The following GMDS variants were observed in gnomAD, a reference collection of about 807,000 sequenced individuals.
GMDS encodes GDP-mannose 4,6-dehydratase, also known as GDP-mannose 4,6 dehydratase.
GMDS carries 20 observed loss-of-function variants against 49.9 expected under a neutral mutation model. The ratio of observed to expected loss-of-function variants is 0.40; its 90% CI spans 0.28 to 0.58. The LOEUF (loss-of-function observed/expected upper bound fraction) is 0.58, where lower values mean the gene tolerates loss of function less well. GMDS is among the 20% of genes least tolerant of loss of function. The probability of loss-of-function intolerance (pLI) is 0.42; values close to 1 mark genes in which losing one functional copy is unlikely to be tolerated. For missense variants in GMDS, 362 were observed against 481.4 expected (o/e 0.75, Z 2.32); for synonymous variants, 177 against 178.6 (o/e 0.99, Z 0.07).
intron 1 of GMDS, among the ~76,000 whole-genome samples, chr6:2,166,777 A>G (rs909511637): frequency 2.6e-5 from 4 of 152,216 alleles, no homozygotes; most frequent in African/African-American, 9.7e-5. Flanking sequence ...CCTGCAAAAA[A>G]TGTGGCCAAT....
At chr6:2,022,391 T>C (rs961434273) in intron 4 of GMDS, among the ~76,000 whole-genome samples, 1 of 152,226 alleles carries the variant, frequency 6.6e-6, no homozygotes, top group Non-Finnish European at 1.5e-5. Flanking sequence ...GACAATTTTG[T>C]GGCACTTTTC....
chr6:1,875,532 T>C (rs1396662154), intron 7 of GMDS, among the ~76,000 whole-genome samples: 11 of 152,178 alleles, frequency 7.2e-5, no homozygotes, highest in African/African-American at 2.7e-4. Flanking sequence ...ATCAGAATTA[T>C]ATTGGTAGAT....
intron 1 of GMDS, among the ~76,000 whole-genome samples, chr6:2,150,254 A>C (rs1776779667): frequency 6.6e-6 from 1 of 152,156 alleles, no homozygotes; most frequent in Admixed American, 6.5e-5. Context: ...GAAATAAATT[A>C]ATGATTTCAC....
intron 1 of GMDS, among the ~76,000 whole-genome samples, chr6:2,194,038 T>TAA (rs1561646850): frequency 2.0e-5 from 3 of 150,792 alleles, no homozygotes; most frequent in African/African-American, 7.4e-5. Context: ...CTATTTTTTT[T>TAA]TAAAAAAAAA....
intron 7 of GMDS, among the ~76,000 whole-genome samples, chr6:1,846,914 G>A: frequency 6.6e-6 from 1 of 152,310 alleles, no homozygotes; most frequent in African/African-American, 2.4e-5. Flanking sequence ...GCAAAACAAT[G>A]ACAAGTATGA....
chr6:1,642,984 CAG>C (rs1352883890), intron 9 of GMDS, among the ~76,000 whole-genome samples: 1 of 152,188 alleles, frequency 6.6e-6, no homozygotes, highest in African/African-American at 2.4e-5. Flanking sequence ...CTGGTCTTAG[CAG>C]AGTTAACACA....
chr6:2,188,196 G>A (rs1778863314), intron 1 of GMDS, among the ~76,000 whole-genome samples: 7 of 152,218 alleles, frequency 4.6e-5, no homozygotes, highest in Admixed American at 4.6e-4. Flanking sequence ...GACAGCTGGA[G>A]TACAAATCCG....
intron 4 of GMDS, among the ~76,000 whole-genome samples, chr6:1,962,612 T>C (rs1000388792): frequency 6.6e-6 from 1 of 152,172 alleles, no homozygotes; most frequent in Non-Finnish European, 1.5e-5. Flanking sequence ...TATCTTGTTG[T>C]GGTTTTTCTT....
intron 4 of GMDS, among the ~76,000 whole-genome samples, chr6:2,091,731 A>G (rs772166901): frequency 5.9e-5 from 9 of 152,128 alleles, no homozygotes; most frequent in Non-Finnish European, 1.3e-4. Context: ...ACATCTCTGC[A>G]AAGAAAAAAA....
chr6:2,004,099 A>G (rs1767002476), intron 4 of GMDS, among the ~76,000 whole-genome samples: 1 of 152,238 alleles, frequency 6.6e-6, no homozygotes, highest in Non-Finnish European at 1.5e-5. Flanking sequence ...CAATGAAATA[A>G]GTCATCTGGA....
chr6:1,858,247 C>T (rs1232262012), intron 7 of GMDS, among the ~76,000 whole-genome samples: 2 of 152,096 alleles, frequency 1.3e-5, no homozygotes, highest in Non-Finnish European at 1.5e-5. Context: ...GACGTTACCC[C>T]TCATTTCTTG....
chr6:1,733,091 T>C (rs1766876896), intron 8 of GMDS, among the ~76,000 whole-genome samples: 1 of 152,190 alleles, frequency 6.6e-6, no homozygotes, highest in Non-Finnish European at 1.5e-5. Context: ...GATTCCCCTG[T>C]CACCCTGCCT....
chr6:2,070,365 A>T (rs1277174921), intron 4 of GMDS, among the ~76,000 whole-genome samples: 1 of 151,858 alleles, frequency 6.6e-6, no homozygotes, highest in Middle Eastern at 3.2e-3. Flanking sequence ...ACATGTATAC[A>T]TATGTAACTA....
Position 2,009,911 on chromosome 6 carries a change from T to C in GMDS, c.346-48945A>G, listed in dbSNP as rs189423372. Among the ~76,000 whole-genome samples, 626 of 152,302 alleles carry C rather than the reference T, an allele frequency of 4.1e-3. 6 individuals are homozygous for C. Among genetic ancestry groups the C allele is most frequent in the African/African-American group, 0.014 (597 of 41,574 alleles). On this transcript the variant is annotated intron_variant, in intron 4 of 10. Coordinates refer to ENST00000380815, the MANE Select transcript of GMDS (RefSeq NM_001500.4). ...TTGGAAAAAGTGGTCTAACATGCTA[T>C]TGAAATACAAGAAAAATACTTGAAG...
chr6:1,822,199 AC>A (rs1770930451), intron 7 of GMDS, among the ~76,000 whole-genome samples: 1 of 152,186 alleles, frequency 6.6e-6, no homozygotes, highest in African/African-American at 2.4e-5. Flanking sequence ...TAGCTTTCTG[AC>A]CCAACTCACA....
intron 9 of GMDS, among the ~76,000 whole-genome samples, chr6:1,667,173 G>A (rs185771500): frequency 2.6e-5 from 4 of 152,342 alleles, no homozygotes; most frequent in African/African-American, 7.2e-5. Context: ...AGCAATCTGC[G>A]AGATGGCCGG....
At chr6:2,183,539 C>T (rs1394803054) in intron 1 of GMDS, among the ~76,000 whole-genome samples, 1 of 152,154 alleles carries the variant, frequency 6.6e-6, no homozygotes, top group Non-Finnish European at 1.5e-5. Flanking sequence ...GGTGAAGATG[C>T]TATGAACATT....
intron 2 of GMDS, among the ~76,000 whole-genome samples, chr6:2,122,969 G>T (rs1294012024): frequency 6.6e-6 from 1 of 152,154 alleles, no homozygotes; most frequent in African/African-American, 2.4e-5. Context: ...AATAAAATCT[G>T]CTCTTACAAT....
chr6:2,185,078 G>A (rs1245294182), intron 1 of GMDS, among the ~76,000 whole-genome samples: 2 of 152,216 alleles, frequency 1.3e-5, no homozygotes, highest in African/African-American at 2.4e-5. Flanking sequence ...TATTGGTCAA[G>A]CCGACAAGGC....
Sources: allele counts gnomAD v4.1 joint callset (sites outside exome capture counted in the v4.1 genomes callset), GRCh38; gene constraint gnomAD v4.1.1; transcripts MANE v1.5; gene names NCBI Gene and HGNC (gene_info 2026-07-23, HGNC 2026-07-21).